Variants in NSD3 observed in about 807,000 individuals in gnomAD.
NSD3 encodes nuclear receptor binding SET domain protein 3, also known as histone-lysine N-methyltransferase NSD3.
NSD3 carries 24 observed loss-of-function variants against 160.8 expected under a neutral mutation model. The ratio of observed to expected loss-of-function variants is 0.15; its 90% CI spans 0.11 to 0.21. The LOEUF is 0.21. Among genes scored for constraint, NSD3 ranks in the 10% least tolerant of loss-of-function variants. The pLI is 1.00. For missense variants in NSD3, 1,157 were observed against 1,735.9 expected (o/e 0.67, Z 5.93); for synonymous variants, 520 against 600.0 (o/e 0.87, Z 1.95).
At chr8:38,338,744 A>T (rs1406959947) in intron 2 of NSD3, 137 bp from the exon 3 acceptor site, 7 of 687,296 alleles carry the variant, frequency 1.0e-5, no homozygotes, top group African/African-American at 1.8e-5. Flanking sequence ...GAACAATGTA[A>T]GGAGTAAGAA....
intron 1 of NSD3, among the ~76,000 whole-genome samples, chr8:38,378,815 C>T (rs1321118536): frequency 7.2e-6 from 1 of 139,356 alleles, no homozygotes; most frequent in African/African-American, 2.7e-5. Context: ...AGGAGTGAGA[C>T]TCCATCTCTC....
chr8:38,296,600 C>G (rs934692498), intron 15 of NSD3, among the ~76,000 whole-genome samples: 4 of 151,916 alleles, frequency 2.6e-5, no homozygotes, highest in Admixed American at 2.6e-4. Context: ...TCCCTTTTCC[C>G]TCCTCATGAA....
At chr8:38,340,548 G>C in intron 2 of NSD3, among the ~76,000 whole-genome samples, 1 of 151,114 alleles carries the variant, frequency 6.6e-6, no homozygotes, top group East Asian at 2.0e-4. Flanking sequence ...ATGTTGGCCA[G>C]GCTGGTCTTG....
At chr8:38,335,644 C>T (rs1014214504) in intron 4 of NSD3, among the ~76,000 whole-genome samples, 3 of 152,122 alleles carry the variant, frequency 2.0e-5, no homozygotes, top group Non-Finnish European at 4.4e-5. Flanking sequence ...ATGACTAGTC[C>T]AATACCCTTC....
At chr8:38,350,884 G>T (rs182044336) in intron 1 of NSD3, among the ~76,000 whole-genome samples, 104 of 152,036 alleles carry the variant, frequency 6.8e-4, no homozygotes, top group Admixed American at 5.2e-3. Context: ...TTGTCATAAG[G>T]TTTGACACGT....
intron 20 of NSD3, 79 bp downstream of exon 20, chr8:38,281,388 A>T (rs1474129559): frequency 4.2e-6 from 3 of 715,534 alleles, no homozygotes; most frequent in Non-Finnish European, 6.3e-6. Flanking sequence ...AAATTAAAAG[A>T]AACTGAGTTC....
At chr8:38,315,743 C>T (rs1213818794) in intron 10 of NSD3, among the ~76,000 whole-genome samples, 169 bp downstream of exon 10, 1 of 152,132 alleles carries the variant, frequency 6.6e-6, no homozygotes, top group African/African-American at 2.4e-5. Flanking sequence ...TACAAACAAA[C>T]TATAGTTTTG....
At chr8:38,360,705 A>G (rs1810939184) in intron 1 of NSD3, among the ~76,000 whole-genome samples, 1 of 152,194 alleles carries the variant, frequency 6.6e-6, no homozygotes, top group Non-Finnish European at 1.5e-5. Context: ...TTTAGAAAGA[A>G]CTCTAAGCTG....
At chr8:38,296,913 T>C (rs1459729664) in intron 15 of NSD3, among the ~76,000 whole-genome samples, 16 of 152,134 alleles carry the variant, frequency 1.1e-4, no homozygotes, top group Admixed American at 1.0e-3. Flanking sequence ...TTCTCCGATT[T>C]TTATTAACCA....
chr8:38,374,647 C>T (rs1433007396), intron 1 of NSD3, among the ~76,000 whole-genome samples: 1 of 152,132 alleles, frequency 6.6e-6, no homozygotes, highest in Non-Finnish European at 1.5e-5. Context: ...TTCTCCGTAA[C>T]ATGACAGTCT....
chr8:38,331,324 A>C lies in NSD3; in HGVS notation c.1065+107T>G, dbSNP rs1810056608. 3.1e-6 allele frequency: 4 copies of C among 1,286,454 alleles called. No homozygotes were observed. The East Asian group carries it at 1.1e-4, about 34-fold the overall frequency. 79.7% of individuals were successfully genotyped at this position (1,286,454 alleles called of 1,614,324 possible). A position where few individuals can be genotyped will look rare whatever the true frequency, so the allele number is the denominator to read the frequency against. ...CGATTAAAACAGCTGAAAGGGGTTT[A>C]AAAAAAGGATTCTAATAATTATCTG... On this transcript the variant is annotated intron_variant, in intron 5 of 23. Coordinates refer to ENST00000317025, the MANE Select transcript of NSD3 (RefSeq NM_023034.2).
In NSD3 at chr8:38,315,360, T is replaced by C. The variant is rs1408626835; in HGVS notation, c.2115+56A>G. 4.0e-6 allele frequency: 6 copies of C among 1,484,060 alleles called. No homozygotes were observed. In the Middle Eastern group the frequency reaches 5.4e-4, roughly 134 times the overall value. 91.9% of individuals were successfully genotyped at this position (1,484,060 alleles called of 1,614,324 possible). On this transcript the variant is annotated intron_variant, in intron 11 of 23. Coordinates refer to ENST00000317025, the MANE Select transcript of NSD3 (RefSeq NM_023034.2). ...CCTCTTCAACAGGAGTTAAGTCTATTACTGGCAGAATATAATAGCAATTAT... is the reference window on the plus strand; with the variant it reads ...CCTCTTCAACAGGAGTTAAGTCTATCACTGGCAGAATATAATAGCAATTAT...
intron 1 of NSD3, 66 bp downstream of exon 1, chr8:38,381,729 TACAC>T (rs1219673847): frequency 6.9e-6 from 1 of 144,570 alleles, no homozygotes; most frequent in Non-Finnish European, 1.5e-5. Flanking sequence ...TTCCTAGCAC[TACAC>T]ACGCGCGCGC....
intron 18 of NSD3, among the ~76,000 whole-genome samples, 180 bp downstream of exon 18, chr8:38,289,213 A>C (rs1460654837): frequency 6.6e-6 from 1 of 152,222 alleles, no homozygotes. Flanking sequence ...CTTCCAACAG[A>C]AGCTCTGTTT....
intron 1 of NSD3, among the ~76,000 whole-genome samples, chr8:38,368,981 A>G (rs980541876): frequency 6.6e-6 from 1 of 152,192 alleles, no homozygotes; most frequent in Non-Finnish European, 1.5e-5. Context: ...CAAGCATTCA[A>G]ATTTACTTTC....
chr8:38,353,028 G>A (rs1041360441), intron 1 of NSD3, among the ~76,000 whole-genome samples: 2 of 152,128 alleles, frequency 1.3e-5, no homozygotes, highest in South Asian at 2.1e-4. Context: ...TAAGTACTAC[G>A]TTTAATCCTC....
chr8:38,318,139 G>T lies in NSD3; in HGVS notation c.1855+756C>A. 1 of 1,404,028 alleles carries T rather than the reference G, an allele frequency of 7.1e-7. No individual in the cohort carries two copies. Among genetic ancestry groups the T allele is most frequent in the Non-Finnish European group, 9.8e-7 (1 of 1,020,040 alleles). The allele number at this position is 1,404,028 out of a possible 1,614,324, so 87.0% of individuals were successfully genotyped here. On this transcript the variant is annotated intron_variant, in intron 9 of 23. Coordinates refer to ENST00000317025, the MANE Select transcript of NSD3 (RefSeq NM_023034.2). This position sits in a 1 kb window ranked among gnomAD's most constrained non-coding sequence, Gnocchi z 5.3. ...CGCCAAGCAGTGTTCCCTCCGAGAG[G>T]CTGTTCAGTTCTGCTGAGGATCTCC...
intron 2 of NSD3, among the ~76,000 whole-genome samples, chr8:38,341,902 G>A (rs150095503): frequency 6.3e-4 from 96 of 151,402 alleles, no homozygotes; most frequent in African/African-American, 2.1e-3. Context: ...CTATGATCAC[G>A]TCACTGCACT....
intron 12 of NSD3, among the ~76,000 whole-genome samples, chr8:38,310,754 C>T (rs1174027062): frequency 2.0e-5 from 3 of 151,890 alleles, no homozygotes; most frequent in Admixed American, 6.6e-5. Context: ...TCAAGCAATC[C>T]GCTCGTCTTG....
Sources: allele counts gnomAD v4.1 joint callset (sites outside exome capture counted in the v4.1 genomes callset), GRCh38; gene constraint gnomAD v4.1.1; non-coding constraint Gnocchi (gnomAD v3.1); transcripts MANE v1.5; gene names NCBI Gene and HGNC (gene_info 2026-07-23, HGNC 2026-07-21).